The following ZNF843 variants were observed in gnomAD, a reference collection of about 807,000 sequenced individuals.
ZNF843 encodes zinc finger protein 843.
For synonymous variants in ZNF843, 185 were observed against 207.7 expected, an observed-to-expected ratio of 0.89 and a Z score of 0.94; for missense variants, 482 against 469.4, an observed-to-expected ratio of 1.03 and a Z score of -0.25.
rs2082180289 is a variant in ZNF843, at chr16:31,436,263, A to G, written c.587T>C (p.Leu196Pro). 1.3e-6 allele frequency: 2 copies of G among 1,547,652 alleles called. No individual in the cohort carries two copies. Among genetic ancestry groups the G allele is most frequent in the Non-Finnish European group, 1.7e-6 (2 of 1,144,826 alleles). The change falls in exon 2 of 2, where the codon CTC becomes CCC. Residue 196 changes from leucine (L) to proline (P), a missense_variant. Transcript: ENST00000315678. ...SSVAPDSTSG[L>P]RPCGSPGSFL... is the part of the protein sequence containing the mutation. ...GGACCCGGGGCTCCCACAGGGCCGG[A>G]GCCCAGAGGTGCTGTCCGGGGCGAC...
chr16:31,436,050 A>G lies in ZNF843; in HGVS notation c.800T>C (p.Met267Thr). ...CGCGCTCGCACAGCTTCTGGGCCCC[A>G]TCGCCCCCTCCTGCTGAGCTGCCGG... ...TQPAAQQEGA[M>T]GPRSCASAGR... is the part of the protein sequence containing the mutation. The change falls in exon 2 of 2, where the codon ATG becomes ACG. Residue 267 changes from methionine to threonine, a missense_variant. Met to Thr is a moderately conservative substitution (Grantham distance 81). Coordinates refer to ENST00000315678, the MANE Select transcript of ZNF843 (RefSeq NM_001136509.3). 3 of 1,542,912 alleles carry G rather than the reference A, an allele frequency of 1.9e-6. No homozygotes were observed.
chr16:31,435,770 C>T lies in ZNF843; in HGVS notation c.*33G>A. On this transcript the variant is annotated 3_prime_UTR_variant, in exon 2 of 2. Transcript: ENST00000315678. ...ATCCACAGTCCACCGGCGGCTGCAA[C>T]AATTCCACCCAGGGCTGCAGCACGC... 7.0e-7 allele frequency: 1 copy of T among 1,436,980 alleles called. No homozygotes were observed. Among genetic ancestry groups the T allele is most frequent in the Non-Finnish European group, 9.2e-7 (1 of 1,092,268 alleles). 89.0% of individuals were successfully genotyped at this position (1,436,980 alleles called of 1,614,324 possible).
In ZNF843 at chr16:31,442,637, C is replaced by G. The variant is rs2082205611; in HGVS notation, c.-337G>C. The G allele has an allele frequency of 6.6e-6, 1 of 152,260 alleles. No homozygotes were observed. The highest frequency in any genetic ancestry group is 2.4e-5 in the African/African-American group (1 of 41,440). 9.4% of individuals were successfully genotyped at this position (152,260 alleles called of 1,614,324 possible). On this transcript the variant is annotated splice_region_variant and 5_prime_UTR_variant, in exon 1 of 2. Coordinates refer to ENST00000315678, the MANE Select transcript of ZNF843 (RefSeq NM_001136509.3). ...CCCGGCCCCTTCGCTCGCTCTTACC[C>G]GGTGAGGTCCCGTGCCCGCGTACCT...
At chr16:31,440,669 C>T (rs1409246049) in intron 1 of ZNF843, among the ~76,000 whole-genome samples, 2 of 152,162 alleles carry the variant, frequency 1.3e-5, no homozygotes, top group East Asian at 1.9e-4. Flanking sequence ...TTCCCAGGAG[C>T]GCAGCTGCTG....
chr16:31,442,024 G>A (rs1313020048), intron 1 of ZNF843, among the ~76,000 whole-genome samples: 1 of 152,262 alleles, frequency 6.6e-6, no homozygotes, highest in South Asian at 2.1e-4. Context: ...CTCCGGGACG[G>A]GGGAGGCGGC....
chr16:31,435,641 G>A lies in ZNF843; in HGVS notation c.*162C>T. The A allele has an allele frequency of 4.5e-6, 3 of 671,228 alleles. No homozygotes were observed. The highest frequency in any genetic ancestry group is 4.5e-4 in the Middle Eastern group (1 of 2,232). 41.6% of individuals were successfully genotyped at this position (671,228 alleles called of 1,614,324 possible). On this transcript the variant is annotated 3_prime_UTR_variant, in exon 2 of 2. Transcript: ENST00000315678. Reference sequence around the variant, plus strand: ...AAGGGAAAGGAGCGAGAATTCAGGGGAAAAAAAACAAACAAAATAGCCCCC... The same window carrying A: ...AAGGGAAAGGAGCGAGAATTCAGGGAAAAAAAAACAAACAAAATAGCCCCC...
intron 1 of ZNF843, among the ~76,000 whole-genome samples, chr16:31,441,010 T>A (rs917163538): frequency 2.0e-5 from 3 of 152,204 alleles, no homozygotes; most frequent in Non-Finnish European, 2.9e-5. Flanking sequence ...GCTTTCCTAA[T>A]CTCTTCCCTA....
chr16:31,436,183 G>A lies in ZNF843; in HGVS notation c.667C>T (p.Pro223Ser). 6.5e-7 allele frequency: 1 copy of A among 1,537,850 alleles called. No homozygotes were observed. The highest frequency in any genetic ancestry group is 1.2e-5 in the South Asian group (1 of 82,054). Residue 223 changes from proline (P) to serine (S), a missense_variant, in exon 2 of 2, where the codon CCT (proline) becomes TCT (serine). Pro to Ser is a moderately conservative substitution (Grantham distance 74). Transcript: ENST00000315678. Reference sequence around the variant, plus strand: ...GGCTGGAGACTGAGTGGGGGGCCAGGATAAAGGAAGGGAGGTCGGGGCAGG... The same window carrying A: ...GGCTGGAGACTGAGTGGGGGGCCAGAATAAAGGAAGGGAGGTCGGGGCAGG... ...TLLPRPPFLY[P>S]GPPLSLQPLV...
intron 1 of ZNF843, among the ~76,000 whole-genome samples, chr16:31,440,868 G>A (rs1030365729): frequency 2.6e-5 from 4 of 152,188 alleles, no homozygotes; most frequent in Non-Finnish European, 5.9e-5. Flanking sequence ...ACCTGTTACC[G>A]AAATCAGTCC....
At chr16:31,442,301 TTTTATTTA>T (rs144027321) in intron 1 of ZNF843, among the ~76,000 whole-genome samples, 6,135 of 149,592 alleles carry the variant, frequency 0.041, 391 homozygotes, top group African/African-American at 0.14. Flanking sequence ...CTTCGCTCGA[TTTTATTTA>T]TTTATTTATT....
chr16:31,435,778 C>T lies in ZNF843; in HGVS notation c.*25G>A. 1 of 1,442,792 alleles carries T rather than the reference C, an allele frequency of 6.9e-7. No homozygotes were observed. The highest frequency in any genetic ancestry group is 9.1e-7 in the Non-Finnish European group (1 of 1,094,926). The allele number at this position is 1,442,792 out of a possible 1,614,324, so 89.4% of individuals were successfully genotyped here. A position where few individuals can be genotyped will look rare whatever the true frequency, so the allele number is the denominator to read the frequency against. ...TCCACCGGCGGCTGCAACAATTCCA[C>T]CCAGGGCTGCAGCACGCTGGTTCTT... On this transcript the variant is annotated 3_prime_UTR_variant, in exon 2 of 2. Transcript: ENST00000315678.
In ZNF843 at chr16:31,436,576, C is replaced by T; in HGVS notation, c.274G>A (p.Ala92Thr). Residue 92 changes from alanine (A) to threonine (T), a missense_variant, in exon 2 of 2, where the codon GCG (alanine) becomes ACG (threonine). Ala to Thr is a moderately conservative substitution (Grantham distance 58). Transcript: ENST00000315678. ...ASPLGRSHSSAGVRQGFSGQL... is the reference protein window; with the variant it reads ...ASPLGRSHSSTGVRQGFSGQL... Reference sequence around the variant, plus strand: ...CCGCTAAACCCTTGCCGCACTCCCGCAGACGAATGGCTTCTCCCGAGTGGA... The same window carrying T: ...CCGCTAAACCCTTGCCGCACTCCCGTAGACGAATGGCTTCTCCCGAGTGGA... 2 of 1,550,914 alleles carry T rather than the reference C, an allele frequency of 1.3e-6. No homozygotes were observed. The highest frequency in any genetic ancestry group is 4.9e-5 in the East Asian group (2 of 40,890).
intron 1 of ZNF843, among the ~76,000 whole-genome samples, chr16:31,437,853 C>G (rs930934374): frequency 6.6e-6 from 1 of 151,780 alleles, no homozygotes; most frequent in Non-Finnish European, 1.5e-5. Context: ...GTCTCAAACT[C>G]CTGACCTCAT....
intron 1 of ZNF843, among the ~76,000 whole-genome samples, chr16:31,442,424 G>C (rs979515347): frequency 6.6e-6 from 1 of 152,276 alleles, no homozygotes; most frequent in African/African-American, 2.4e-5. Flanking sequence ...GGGTTCAAGC[G>C]ATTCTCCTGC....
In ZNF843 at chr16:31,435,994, G is replaced by C. The variant is rs983423133; in HGVS notation, c.856C>G (p.Pro286Ala). 1 of 1,523,552 alleles carries C rather than the reference G, an allele frequency of 6.6e-7. No homozygotes were observed. Among genetic ancestry groups the C allele is most frequent in the Admixed American group, 2.1e-5 (1 of 48,020 alleles). The allele number at this position is 1,523,552 out of a possible 1,614,324, so 94.4% of individuals were successfully genotyped here. A position where few individuals can be genotyped will look rare whatever the true frequency, so the allele number is the denominator to read the frequency against. Residue 286 changes from proline (P) to alanine (A), a missense_variant, in exon 2 of 2, where the codon CCA becomes GCA. Pro to Ala is a conservative substitution (Grantham distance 27). Transcript: ENST00000315678. ...GRDSREAVQAPGYPEPARKAS... is the reference protein window; with the variant it reads ...GRDSREAVQAAGYPEPARKAS... ...TTCCGGGCTGGCTCAGGGTAGCCTG[G>C]GGCCTGAACCGCCTCCCGCGAGTCC...
rs947953242 is a variant in ZNF843 at position 31,436,704 on chromosome 16, A to C, written c.146T>G (p.Leu49Arg). The change falls in exon 2 of 2, where the codon CTC (leucine) becomes CGC (arginine). Residue 49 changes from leucine to arginine, a missense_variant. Physicochemically the swap from Leu to Arg is moderately radical, Grantham distance 102 (BLOSUM62 -2). Coordinates refer to ENST00000315678, the MANE Select transcript of ZNF843 (RefSeq NM_001136509.3). The part of the protein sequence containing the change: ...GRGFTQSASL[L>R]QHWRVHSDWR... ...GTCGCTGTGGACCCGCCAGTGCTGG[A>C]GGAGGGATGCGCTCTGAGTAAAACC... 2 of 1,551,658 alleles carry C rather than the reference A, an allele frequency of 1.3e-6. No homozygotes were observed. Among genetic ancestry groups the C allele is most frequent in the African/African-American group, 1.4e-5 (1 of 73,194 alleles).
intron 1 of ZNF843, among the ~76,000 whole-genome samples, chr16:31,440,743 C>T (rs1025741643): frequency 6.6e-6 from 1 of 152,180 alleles, no homozygotes; most frequent in African/African-American, 2.4e-5. Context: ...TATGAATGAG[C>T]TACTGTCCAA....
rs2082176946 is a variant in ZNF843, at chr16:31,435,848, C to T, written c.1002G>A (p.Pro334=). ...PHWRGALPVF[P]VWKASSRRSN... Reference sequence around the variant, plus strand: ...ACCTCCGGCTGGAGGCCTTCCACACCGGAAACACTGGTAGGGCTCCTCTCC... The same window carrying T: ...ACCTCCGGCTGGAGGCCTTCCACACTGGAAACACTGGTAGGGCTCCTCTCC... The change falls in exon 2 of 2, where the codon CCG becomes CCA. Residue 334 remains proline (P), a synonymous_variant. Transcript: ENST00000315678. The T allele has an allele frequency of 2.0e-6, 3 of 1,483,170 alleles. No individual in the cohort carries two copies. Among genetic ancestry groups the T allele is most frequent in the East Asian group, 2.5e-5 (1 of 40,068 alleles). 91.9% of individuals were successfully genotyped at this position (1,483,170 alleles called of 1,614,324 possible).
At chr16:31,437,627 T>G (rs1567365694) in intron 1 of ZNF843, among the ~76,000 whole-genome samples, 2 of 148,940 alleles carry the variant, frequency 1.3e-5, no homozygotes, top group African/African-American at 2.5e-5. Context: ...ATGTTTTTTT[T>G]TTTTTTTTTT....
Sources: gnomAD v4.1 joint callset for allele counts (sites outside exome capture counted in the v4.1 genomes callset) on GRCh38, gnomAD v4.1.1 for gene constraint, MANE v1.5 for transcripts, NCBI Gene and HGNC (gene_info 2026-07-23, HGNC 2026-07-21) for gene names.